Variants in RBCK1 observed in about 807,000 individuals in gnomAD.
RBCK1 encodes RANBP2-type and C3HC4-type zinc finger containing 1.
In RBCK1, 44 loss-of-function variants were observed where a neutral mutation model predicts 71.1. The observed-to-expected ratio is 0.62, with a 90% CI of 0.49 to 0.80. The LOEUF is 0.80. RBCK1 is among the 30% of genes least tolerant of loss of function. The probability of loss-of-function intolerance (pLI) is 0.00; values close to 1 mark genes in which losing one functional copy is unlikely to be tolerated. For missense variants in RBCK1, 569 were observed against 685.0 expected (o/e 0.83, Z 1.89); for synonymous variants, 306 against 279.7 (o/e 1.09, Z -0.94).
At position 422,322 on chromosome 20, in the gene RBCK1, T is replaced by C; in HGVS notation, c.1029+84T>C. ...GAGCAGGCAGCAGACATCTTTCTTT[T>C]CTTTCTTTTTTTTTTTTGGAGATGG... On this transcript the variant is annotated intron_variant, in intron 8 of 11. Transcript: ENST00000356286. The surrounding 1 kb of genome is among the most constrained non-coding windows in gnomAD (Gnocchi z 5.0). The C allele has an allele frequency of 8.5e-7, 1 of 1,175,946 alleles. No homozygotes were observed. The highest frequency in any genetic ancestry group is 2.3e-5 in the East Asian group (1 of 42,582). The allele number at this position is 1,175,946 out of a possible 1,614,324, so 72.8% of individuals were successfully genotyped here.
Position 428,910 on chromosome 20 carries a change from GC to G in RBCK1, c.1309-37del. ...TGGGGAGGGGCCAGGCTGGGTGACT[GC>G]CCCAGCCCCGCCCCAGGGCCAGCAC... On this transcript the variant is annotated intron_variant, in intron 10 of 11. Coordinates refer to ENST00000356286, the MANE Select transcript of RBCK1 (RefSeq NM_031229.4). The surrounding 1 kb of genome is among the most constrained non-coding windows in gnomAD (Gnocchi z 5.7). 1 of 1,567,720 alleles carries G rather than the reference GC, an allele frequency of 6.4e-7. No homozygotes were observed.
rs200484492 is a variant in RBCK1, at chr20:427,270, G to C, written c.1030-43G>C. Reference sequence around the variant, plus strand: ...TTTAGTGGTCAAGGGTCATATGTCAGGTGTTCTGAATCCTGAGCAGCAAGG... The same window carrying C: ...TTTAGTGGTCAAGGGTCATATGTCACGTGTTCTGAATCCTGAGCAGCAAGG... On this transcript the variant is annotated intron_variant, in intron 8 of 11. Coordinates refer to ENST00000356286, the MANE Select transcript of RBCK1 (RefSeq NM_031229.4). 13 of 1,600,310 alleles carry C rather than the reference G, an allele frequency of 8.1e-6. No individual in the cohort carries two copies. In the East Asian group the frequency reaches 2.9e-4, roughly 36 times the overall value.
intron 2 of RBCK1, among the ~76,000 whole-genome samples, chr20:413,488 CT>C (rs1322593929): frequency 6.6e-6 from 1 of 152,204 alleles, no homozygotes; most frequent in Non-Finnish European, 1.5e-5. Context: ...CATCTTCCAC[CT>C]TTCCTTTTCC....
chr20:419,754 AGACACCTGCAGACCGCACGGGGGAG>A (rs780692913), intron 6 of RBCK1, 23 bp downstream of exon 6: 36 of 1,535,588 alleles, frequency 2.3e-5, no homozygotes, highest in Non-Finnish European at 3.1e-5. Flanking sequence ...GTCCCTGGAC[AGACACCTGCAGACCGCACGGGGGAG>A]GTGTAGGCCA....
In RBCK1 at chr20:430,583, C is replaced by T; in HGVS notation, c.*153C>T. The T allele has an allele frequency of 1.4e-6, 1 of 724,362 alleles. No individual in the cohort carries two copies. The highest frequency in any genetic ancestry group is 2.7e-5 in the East Asian group (1 of 36,900). 44.9% of individuals were successfully genotyped at this position (724,362 alleles called of 1,614,324 possible). A position where few individuals can be genotyped will look rare whatever the true frequency, so the allele number is the denominator to read the frequency against. The stretch of plus-strand genomic sequence containing the variant: ...GTCCACGGTCACATCTGCCCCAGTG[C>T]CTTTGTCCTTCCCTTGGGGCTTGCC... On this transcript the variant is annotated 3_prime_UTR_variant, in exon 12 of 12. Transcript: ENST00000356286. The surrounding 1 kb of genome is among the most constrained non-coding windows in gnomAD (Gnocchi z 5.6).
At chr20:420,286 C>T (rs1452213145) in intron 6 of RBCK1, 2 of 984,970 alleles carry the variant, frequency 2.0e-6, no homozygotes, top group African/African-American at 1.8e-5. Context: ...TTAGCCCTAC[C>T]CCGCCCCCAT....
chr20:412,999 T>C (rs962182173), intron 2 of RBCK1, among the ~76,000 whole-genome samples: 1 of 152,218 alleles, frequency 6.6e-6, no homozygotes, highest in African/African-American at 2.4e-5. Flanking sequence ...TTCATTCTTT[T>C]GCACGTGGAT....
At chr20:426,687 C>T (rs1568565455) in intron 8 of RBCK1, among the ~76,000 whole-genome samples, 2 of 152,012 alleles carry the variant, frequency 1.3e-5, no homozygotes, top group African/African-American at 2.4e-5. Flanking sequence ...CCATTTTAAC[C>T]AGTTTTTAGT....
Position 421,063 on chromosome 20 carries a change from A to G in RBCK1, c.917+32A>G, listed in dbSNP as rs778314809. ...CCCCCAGTCCCACCCCCGGCAATGC[A>G]GCTTAATCAAAGCCGCCAATTACGC... On this transcript the variant is annotated intron_variant, in intron 7 of 11. Coordinates refer to ENST00000356286, the MANE Select transcript of RBCK1 (RefSeq NM_031229.4). 7 of 1,506,834 alleles carry G rather than the reference A, an allele frequency of 4.6e-6. No individual in the cohort carries two copies. The South Asian group carries it at 5.0e-5, about 11-fold the overall frequency. 93.3% of individuals were successfully genotyped at this position (1,506,834 alleles called of 1,614,324 possible).
chr20:417,498 C>T lies in RBCK1; in HGVS notation c.168-28C>T, dbSNP rs1463489233. On this transcript the variant is annotated intron_variant, in intron 2 of 11. Coordinates refer to ENST00000356286, the MANE Select transcript of RBCK1 (RefSeq NM_031229.4). The surrounding 1 kb of genome is among the most constrained non-coding windows in gnomAD (Gnocchi z 4.7). ...TGAGGCTGGACCCCTGGCCAGAGCC[C>T]ATGCTGAGCCCCTGCTGTTCTCTGC... 1 of 1,608,584 alleles carries T rather than the reference C, an allele frequency of 6.2e-7. No individual in the cohort carries two copies. Among genetic ancestry groups the T allele is most frequent in the South Asian group, 1.1e-5 (1 of 90,934 alleles).
Position 432,000 on chromosome 20 carries a change from G to A in RBCK1, c.*1570G>A, listed in dbSNP as rs1027074356. Among the ~76,000 whole-genome samples the A allele has an allele frequency of 5.5e-4, 84 of 152,352 alleles. No homozygotes were observed. The highest frequency in any genetic ancestry group is 1.9e-3 in the African/African-American group (81 of 41,582). The stretch of plus-strand genomic sequence containing the variant: ...GGAGCCTGGGCATGAGACAAAAGCA[G>A]AGATTGTTCTCTTGTGGTACCACAG... On this transcript the variant is annotated 3_prime_UTR_variant, in exon 12 of 12. Transcript: ENST00000356286. This position sits in a 1 kb window ranked among gnomAD's most constrained non-coding sequence, Gnocchi z 4.8.
chr20:431,992 C>T lies in RBCK1; in HGVS notation c.*1562C>T, dbSNP rs374310570. ...GTCTCTCAGGAGCCTGGGCATGAGA[C>T]AAAAGCAGAGATTGTTCTCTTGTGG... On this transcript the variant is annotated 3_prime_UTR_variant, in exon 12 of 12. Transcript: ENST00000356286. The surrounding 1 kb of genome is among the most constrained non-coding windows in gnomAD (Gnocchi z 4.8). Among the ~76,000 whole-genome samples, 1 of 152,246 alleles carries T rather than the reference C, an allele frequency of 6.6e-6. No homozygotes were observed. The highest frequency in any genetic ancestry group is 2.4e-5 in the African/African-American group (1 of 41,478).
chr20:418,343 A>G (rs986766455), intron 4 of RBCK1, among the ~76,000 whole-genome samples: 1 of 151,984 alleles, frequency 6.6e-6, no homozygotes, highest in African/African-American at 2.4e-5. Flanking sequence ...ATTCCCATGT[A>G]CCTTTCATGT....
chr20:427,631 G>A, intron 9 of RBCK1, 139 bp downstream of exon 9: 1 of 948,660 alleles, frequency 1.1e-6, no homozygotes, highest in South Asian at 1.6e-5. Context: ...GTCAGTGGGA[G>A]AGTGTGGCTT....
At chr20:420,474 A>C (rs1600295493) in intron 6 of RBCK1, 3 of 979,344 alleles carry the variant, frequency 3.1e-6, no homozygotes, top group Non-Finnish European at 3.6e-6. Flanking sequence ...GAGTGGCTCC[A>C]CCAGCCCTGG....
At chr20:409,326 T>C (rs2015556315) in intron 1 of RBCK1, among the ~76,000 whole-genome samples, 1 of 152,226 alleles carries the variant, frequency 6.6e-6, no homozygotes, top group African/African-American at 2.4e-5. Flanking sequence ...TCCTTCCACC[T>C]GGACCACTCT....
At chr20:419,824 C>T (rs1568558362) in intron 6 of RBCK1, 93 bp downstream of exon 6, 2 of 1,459,788 alleles carry the variant, frequency 1.4e-6, no homozygotes, top group Non-Finnish European at 9.1e-7. Flanking sequence ...CGCGCCTCTC[C>T]GTTACTGCCT....
chr20:410,057 G>C, intron 2 of RBCK1, 32 bp downstream of exon 2: 2 of 1,599,762 alleles, frequency 1.3e-6, no homozygotes, highest in Non-Finnish European at 1.7e-6. Context: ...TGAACCCAAG[G>C]GACAGCAGGA....
Position 417,423 on chromosome 20 carries a change from G to C in RBCK1, c.168-103G>C, listed in dbSNP as rs992013345. 29 of 895,046 alleles carry C rather than the reference G, an allele frequency of 3.2e-5. No homozygotes were observed. Among genetic ancestry groups the C allele is most frequent in the Non-Finnish European group, 5.0e-5 (27 of 539,216 alleles). The allele number at this position is 895,046 out of a possible 1,614,324, so 55.4% of individuals were successfully genotyped here. A position where few individuals can be genotyped will look rare whatever the true frequency, so the allele number is the denominator to read the frequency against. ...TGTGTGTGTGTGTGTGTGTGTGTGT[G>C]CATGGCCATGTGCCTGTGTGCAAAT... is the stretch of plus-strand genomic sequence containing the variant. On this transcript the variant is annotated intron_variant, in intron 2 of 11. Coordinates refer to ENST00000356286, the MANE Select transcript of RBCK1 (RefSeq NM_031229.4). This position sits in a 1 kb window ranked among gnomAD's most constrained non-coding sequence, Gnocchi z 4.7.
Sources: gnomAD v4.1 joint callset for allele counts (sites outside exome capture counted in the v4.1 genomes callset) on GRCh38, gnomAD v4.1.1 for gene constraint, Gnocchi (gnomAD v3.1) non-coding constraint, MANE v1.5 for transcripts, NCBI Gene and HGNC (gene_info 2026-07-23, HGNC 2026-07-21) for gene names.